The following CCDC27 variants were observed in gnomAD, a reference collection of about 807,000 sequenced individuals.
The protein encoded by CCDC27 is coiled-coil domain containing 27.
A neutral mutation model predicts 80.3 loss-of-function variants in CCDC27; 80 were observed. The ratio of observed to expected loss-of-function variants is 1.00; its 90% CI spans 0.83 to 1.20. The LOEUF is 1.20. Among genes scored for constraint, CCDC27 ranks in the 50% most tolerant of loss-of-function variants. The probability of loss-of-function intolerance (pLI) is 0.00; values close to 1 mark genes in which losing one functional copy is unlikely to be tolerated. For missense variants in CCDC27, 815 were observed against 809.4 expected, an observed-to-expected ratio of 1.01 and a Z score of -0.08; for synonymous variants, 342 against 334.3, an observed-to-expected ratio of 1.02 and a Z score of -0.25.
chr1:3,762,594 C>G, intron 5 of CCDC27, 26 bp from the exon 6 acceptor site: 1 of 1,545,042 alleles, frequency 6.5e-7, no homozygotes, highest in South Asian at 1.2e-5. Context: ...GGCTGGAAAG[C>G]TGAGGGTCCC....
intron 2 of CCDC27, among the ~76,000 whole-genome samples, chr1:3,754,880 A>G (rs1006813275): frequency 6.6e-6 from 1 of 152,104 alleles, no homozygotes; most frequent in South Asian, 2.1e-4. Flanking sequence ...CGTGCTGTCC[A>G]CCAATCTCAG....
chr1:3,752,468 C>T lies in CCDC27; in HGVS notation c.-14C>T. 1 of 1,612,382 alleles carries T rather than the reference C, an allele frequency of 6.2e-7. No homozygotes were observed. Among genetic ancestry groups the T allele is most frequent in the South Asian group, 1.1e-5 (1 of 91,000 alleles). ...GGAAGCTGATCTCCTCCCACTGCAC[C>T]AGCCAGCAGGTTCATGTTCGAGGCC... is the stretch of plus-strand genomic sequence containing the variant. On this transcript the variant is annotated 5_prime_UTR_variant, in exon 1 of 12. Transcript: ENST00000294600.
In CCDC27 at chr1:3,756,855, A is replaced by G; in HGVS notation, c.676A>G (p.Arg226Gly). The G allele has an allele frequency of 6.2e-7, 1 of 1,613,692 alleles. No homozygotes were observed. Among genetic ancestry groups the G allele is most frequent in the Non-Finnish European group, 8.5e-7 (1 of 1,179,964 alleles). Residue 226 changes from arginine to glycine, a missense_variant, in exon 4 of 12, where the codon AGG (arginine) becomes GGG (glycine). Transcript: ENST00000294600. ...SVASQSCLRKRMPWYLSVIHE... is the reference protein window; with the variant it reads ...SVASQSCLRKGMPWYLSVIHE... ...CGCATCTCAGAGCTGCCTGAGAAAGAGGATGCCCTGGTACCTCTCAGTCAT... is the reference window on the plus strand; with the variant it reads ...CGCATCTCAGAGCTGCCTGAGAAAGGGGATGCCCTGGTACCTCTCAGTCAT...
chr1:3,766,690 C>A lies in CCDC27; in HGVS notation c.1530+78C>A. The stretch of plus-strand genomic sequence containing the variant: ...AGTCCCAACACAGCAAAGGGCAAGA[C>A]GGGGCTGGAGCGTCTTCACAGCTGA... On this transcript the variant is annotated intron_variant, in intron 9 of 11. Transcript: ENST00000294600. The surrounding 1 kb of genome is among the most constrained non-coding windows in gnomAD (Gnocchi z 6.1). The A allele has an allele frequency of 8.0e-7, 1 of 1,246,184 alleles. No homozygotes were observed. The highest frequency in any genetic ancestry group is 1.2e-6 in the Non-Finnish European group (1 of 862,542). The allele number at this position is 1,246,184 out of a possible 1,614,324, so 77.2% of individuals were successfully genotyped here.
intron 3 of CCDC27, chr1:3,756,515 C>T (rs932610132): frequency 1.8e-4 from 87 of 486,672 alleles, no homozygotes; most frequent in African/African-American, 1.6e-3. Context: ...CCTCAGCACG[C>T]GCTGTGCTGG....
At chr1:3,759,375 A>G (rs1159268070) in intron 4 of CCDC27, among the ~76,000 whole-genome samples, 3 of 152,204 alleles carry the variant, frequency 2.0e-5, no homozygotes, top group Non-Finnish European at 4.4e-5. Context: ...TACAAGGATA[A>G]TTACTAGCTT....
intron 8 of CCDC27, among the ~76,000 whole-genome samples, chr1:3,764,973 T>A (rs1244674608): frequency 6.7e-6 from 1 of 149,174 alleles, no homozygotes; most frequent in African/African-American, 2.5e-5. Context: ...AGAAGGAGGT[T>A]GCAGTGAGCC....
chr1:3,763,087 C>T lies in CCDC27; in HGVS notation c.955-21C>T, dbSNP rs979322043. ...GGGTGCCCCGCAGCCCTGCCCAGCCCCTGCCCTACCCATCTTACAGATGCA... is the reference window on the plus strand; with the variant it reads ...GGGTGCCCCGCAGCCCTGCCCAGCCTCTGCCCTACCCATCTTACAGATGCA... On this transcript the variant is annotated intron_variant, in intron 6 of 11. Transcript: ENST00000294600. The surrounding 1 kb of genome is among the most constrained non-coding windows in gnomAD (Gnocchi z 7.5). 8.2e-6 allele frequency: 12 copies of T among 1,462,552 alleles called. No individual in the cohort carries two copies. Among genetic ancestry groups the T allele is most frequent in the Non-Finnish European group, 1.1e-5 (12 of 1,105,912 alleles). The allele number at this position is 1,462,552 out of a possible 1,614,324, so 90.6% of individuals were successfully genotyped here.
At position 3,766,837 on chromosome 1, in the gene CCDC27, CTTTTTTTTTTTT is replaced by C. The variant is rs34635257; in HGVS notation, c.1530+236_1530+247del. ...AGGGACCCAGCAAGCGTTCCCAGTCCTTTTTTTTTTTTTTTTTTTTTTGAGACAGAGTCCTGC... is the reference window on the plus strand; with the variant it reads ...AGGGACCCAGCAAGCGTTCCCAGTCCTTTTTTTTTTGAGACAGAGTCCTGC... On this transcript the variant is annotated intron_variant, in intron 9 of 11. Transcript: ENST00000294600. The surrounding 1 kb of genome is among the most constrained non-coding windows in gnomAD (Gnocchi z 6.1). 1.9e-5 allele frequency among the ~76,000 whole-genome samples: 2 copies of C among 105,464 alleles called. No homozygotes were observed. The highest frequency in any genetic ancestry group is 7.0e-4 in the South Asian group (2 of 2,842). The allele number at this position is 105,464 out of a possible 152,430, so 69.2% of individuals were successfully genotyped here.
intron 8 of CCDC27, among the ~76,000 whole-genome samples, chr1:3,765,019 G>A (rs577283257): frequency 7.9e-6 from 1 of 126,702 alleles, no homozygotes; most frequent in South Asian, 2.7e-4. Context: ...TGGGCGACAA[G>A]AGCAAAACTC....
chr1:3,762,480 C>A, intron 5 of CCDC27, 140 bp from the exon 6 acceptor site: 1 of 661,514 alleles, frequency 1.5e-6, no homozygotes, highest in Non-Finnish European at 2.6e-6. Flanking sequence ...GCACCCACAT[C>A]CCCCAGCCCC....
rs1198173899 is a variant in CCDC27 at position 3,763,446 on chromosome 1, C to T, written c.1293C>T (p.Ala431=). 1.2e-6 allele frequency: 2 copies of T among 1,608,780 alleles called. No individual in the cohort carries two copies. Among genetic ancestry groups the T allele is most frequent in the East Asian group, 2.2e-5 (1 of 44,856 alleles). ...VILDFQFNLE[A]TRTRYSLATG... ...TGGACTTCCAGTTCAACCTGGAGGC[C>T]ACCAGGACCAGATACTCCCTTGCAA... Residue 431 remains alanine (A), a synonymous_variant, in exon 7 of 12, where the codon GCC becomes GCT. Transcript: ENST00000294600. The surrounding 1 kb of genome is among the most constrained non-coding windows in gnomAD (Gnocchi z 7.5).
chr1:3,764,971 G>A (rs570076377), intron 8 of CCDC27, among the ~76,000 whole-genome samples: 23 of 150,762 alleles, frequency 1.5e-4, no homozygotes, highest in African/African-American at 5.6e-4. Flanking sequence ...GGAGAAGGAG[G>A]TTGCAGTGAG....
rs2124597359 is a variant in CCDC27 at position 3,767,286 on chromosome 1, G to A, written c.1584G>A (p.Glu528=). ...KLTKRDCVIS[E]LDTKVSQLQE... ...CCAAGCGGGACTGTGTCATCTCAGAGTTGGACACCAAGGTCAGCCAGCTGC... is the reference window on the plus strand; with the variant it reads ...CCAAGCGGGACTGTGTCATCTCAGAATTGGACACCAAGGTCAGCCAGCTGC... Residue 528 remains glutamate (E), a synonymous_variant, in exon 10 of 12, where the codon GAG becomes GAA. Transcript: ENST00000294600. The A allele has an allele frequency of 6.2e-7, 1 of 1,614,100 alleles. No individual in the cohort carries two copies. Among genetic ancestry groups the A allele is most frequent in the East Asian group, 2.2e-5 (1 of 44,884 alleles).
At chr1:3,757,573 C>T (rs1267367074) in intron 4 of CCDC27, among the ~76,000 whole-genome samples, 1 of 151,942 alleles carries the variant, frequency 6.6e-6, no homozygotes, top group Admixed American at 6.6e-5. Flanking sequence ...TCCCAAGCAG[C>T]TGGGACTACA....
chr1:3,756,530 G>A, intron 3 of CCDC27: 1 of 522,958 alleles, frequency 1.9e-6, no homozygotes, highest in Non-Finnish European at 3.4e-6. Context: ...TGCTGGGTGT[G>A]GGCGCCCCAT....
chr1:3,764,683 G>T (rs1046203329), intron 8 of CCDC27, among the ~76,000 whole-genome samples: 4 of 152,134 alleles, frequency 2.6e-5, no homozygotes, highest in African/African-American at 4.8e-5. Context: ...CACACCTTTT[G>T]CTTTCTTGCC....
rs895995208 is a variant in CCDC27 at position 3,767,415 on chromosome 1, C to T, written c.1713C>T (p.Thr571=). 3 of 1,613,204 alleles carry T rather than the reference C, an allele frequency of 1.9e-6. No individual in the cohort carries two copies. Among genetic ancestry groups the T allele is most frequent in the Non-Finnish European group, 2.5e-6 (3 of 1,180,004 alleles). The change falls in exon 10 of 12, where the codon ACC becomes ACT. Residue 571 remains threonine, a synonymous_variant. Transcript: ENST00000294600. ...KEMIQQAEQH[T]RVALESSQSR... is the part of the protein sequence containing the mutation. ...TGATTCAGCAGGCAGAGCAGCACAC[C>T]CGCGTGGCCCTGGAGAGCTCCCAGT... is the stretch of plus-strand genomic sequence containing the variant.
chr1:3,763,422 G>A lies in CCDC27; in HGVS notation c.1269G>A (p.Leu423=). ...TGGAGGAGTACGAGCAGGTCATCCT[G>A]GACTTCCAGTTCAACCTGGAGGCCA... The part of the protein sequence containing the change: ...AQLEEYEQVI[L]DFQFNLEATR... The change falls in exon 7 of 12, where the codon CTG becomes CTA. Residue 423 remains leucine, a synonymous_variant. Coordinates refer to ENST00000294600, the MANE Select transcript of CCDC27 (RefSeq NM_152492.3). This position sits in a 1 kb window ranked among gnomAD's most constrained non-coding sequence, Gnocchi z 7.5. The A allele has an allele frequency of 6.2e-7, 1 of 1,611,808 alleles. No individual in the cohort carries two copies. The highest frequency in any genetic ancestry group is 8.5e-7 in the Non-Finnish European group (1 of 1,179,514).
Sources: gnomAD v4.1 joint callset for allele counts (sites outside exome capture counted in the v4.1 genomes callset) on GRCh38, gnomAD v4.1.1 for gene constraint, Gnocchi (gnomAD v3.1) non-coding constraint, MANE v1.5 for transcripts, NCBI Gene and HGNC (gene_info 2026-07-23, HGNC 2026-07-21) for gene names.